The following LRRC72 variants were observed in gnomAD, a reference collection of about 807,000 sequenced individuals.
LRRC72 encodes the protein leucine rich repeat containing 72, also known as leucine-rich repeat-containing protein 72.
A neutral mutation model predicts 35.8 loss-of-function variants in LRRC72; 41 were observed. That is an observed-to-expected ratio of 1.15 (90% CI 0.89 to 1.49). The LOEUF is 1.49. Ranked by LOEUF, LRRC72 falls within the 40% of genes most tolerant of loss-of-function variation. The pLI is 0.00. For synonymous variants in LRRC72, 118 were observed against 119.2 expected (o/e 0.99, Z 0.07); for missense variants, 389 against 330.7 (o/e 1.18, Z -1.37).
At chr7:16,552,460 G>A (rs1782569515) in intron 3 of LRRC72, among the ~76,000 whole-genome samples, 3 of 152,176 alleles carry the variant, frequency 2.0e-5, no homozygotes, top group South Asian at 2.1e-4. Flanking sequence ...GATGCCAGGA[G>A]GAGAAAACGG....
chr7:16,574,271 C>T (rs1782999452), intron 7 of LRRC72, among the ~76,000 whole-genome samples: 1 of 152,168 alleles, frequency 6.6e-6, no homozygotes, highest in Admixed American at 6.5e-5. Context: ...ACCAGAAATA[C>T]AATTTGACCC....
intron 1 of LRRC72, among the ~76,000 whole-genome samples, chr7:16,528,632 G>A (rs1782113287): frequency 6.6e-6 from 1 of 152,046 alleles, no homozygotes; most frequent in Non-Finnish European, 1.5e-5. Flanking sequence ...TCATTAGCTG[G>A]CAGACTTTGT....
At chr7:16,551,616 A>G (rs1782550776) in intron 3 of LRRC72, among the ~76,000 whole-genome samples, 1 of 152,184 alleles carries the variant, frequency 6.6e-6, no homozygotes, top group African/African-American at 2.4e-5. Flanking sequence ...ACAAATCCTA[A>G]AAGACTGGGT....
chr7:16,551,445 A>G (rs1782546585), intron 3 of LRRC72, among the ~76,000 whole-genome samples: 1 of 152,170 alleles, frequency 6.6e-6, no homozygotes, highest in Non-Finnish European at 1.5e-5. Context: ...AGGCAGCTTC[A>G]GGATGGGGGC....
In LRRC72 at chr7:16,557,436, T is replaced by A; in HGVS notation, c.311T>A (p.Ile104Lys). ...LYLNNNAIFE[I>K]EGLHYLPSLH... The stretch of plus-strand genomic sequence containing the variant: ...CTAAACAACAATGCAATATTTGAGA[T>A]AGAAGGTACGTCTTAAATTCTCTGT... The change falls in exon 4 of 9, where the codon ATA becomes AAA. Residue 104 changes from isoleucine (I) to lysine (K), a missense_variant. Ile to Lys is a moderately radical substitution (Grantham distance 102, BLOSUM62 -3). Coordinates refer to ENST00000401542, the MANE Select transcript of LRRC72 (RefSeq NM_001195280.2). 8.1e-7 allele frequency: 1 copy of A among 1,229,982 alleles called. No homozygotes were observed. Among genetic ancestry groups the A allele is most frequent in the Non-Finnish European group, 1.1e-6 (1 of 933,300 alleles). The allele number at this position is 1,229,982 out of a possible 1,614,324, so 76.2% of individuals were successfully genotyped here.
chr7:16,526,977 C>T lies in LRRC72; in HGVS notation c.25C>T (p.Pro9Ser), dbSNP rs942288625. 7 of 1,539,840 alleles carry T rather than the reference C, an allele frequency of 4.5e-6. No homozygotes were observed. In the African/African-American group the frequency reaches 9.6e-5, roughly 21 times the overall value. MSWDPNPVPRTLRCWRLRR... is the reference protein window; with the variant it reads MSWDPNPVSRTLRCWRLRR... ...GATGTCCTGGGACCCGAACCCCGTGCCCCGTACCTTGCGATGCTGGCGCCT... is the reference window on the plus strand; with the variant it reads ...GATGTCCTGGGACCCGAACCCCGTGTCCCGTACCTTGCGATGCTGGCGCCT... Residue 9 changes from proline (P) to serine (S), a missense_variant, in exon 1 of 9, where the codon CCC becomes TCC. Transcript: ENST00000401542.
intron 7 of LRRC72, among the ~76,000 whole-genome samples, chr7:16,579,485 G>C (rs1783104244): frequency 6.6e-6 from 1 of 152,092 alleles, no homozygotes; most frequent in Admixed American, 6.6e-5. Context: ...TAGGCTTTCC[G>C]GAGGGAAATC....
Position 16,567,388 on chromosome 7 carries a change from C to T in LRRC72, c.518-3C>T. ...CAATAACATTACTTTTTGCATTTATCAGAAGTTACAGAAAAAGAAAGAAGA... is the reference window on the plus strand; with the variant it reads ...CAATAACATTACTTTTTGCATTTATTAGAAGTTACAGAAAAAGAAAGAAGA... On this transcript the variant is annotated splice_polypyrimidine_tract_variant and splice_region_variant and intron_variant, in intron 6 of 8. Transcript: ENST00000401542. The T allele has an allele frequency of 6.8e-7, 1 of 1,465,480 alleles. No homozygotes were observed. The highest frequency in any genetic ancestry group is 2.7e-5 in the Admixed American group (1 of 37,094). 90.8% of individuals were successfully genotyped at this position (1,465,480 alleles called of 1,614,324 possible). A position where few individuals can be genotyped will look rare whatever the true frequency, so the allele number is the denominator to read the frequency against.
intron 3 of LRRC72, among the ~76,000 whole-genome samples, chr7:16,542,342 G>A (rs529927038): frequency 2.0e-5 from 3 of 152,232 alleles, no homozygotes; most frequent in South Asian, 2.1e-4. Context: ...ATTTTTTCTC[G>A]TGCTTGATTA....
chr7:16,564,178 C>G (rs143046557), intron 5 of LRRC72, among the ~76,000 whole-genome samples: 129 of 152,314 alleles, frequency 8.5e-4, no homozygotes, highest in African/African-American at 2.9e-3. Flanking sequence ...CTTCCAGATG[C>G]TATAATGTAT....
intron 7 of LRRC72, among the ~76,000 whole-genome samples, chr7:16,567,748 C>A (rs1782874257): frequency 6.6e-6 from 1 of 151,968 alleles, no homozygotes; most frequent in Admixed American, 6.6e-5. Context: ...CTCACTCATG[C>A]ATGTGAAATT....
chr7:16,565,845 AG>A (rs1782829090), intron 5 of LRRC72, among the ~76,000 whole-genome samples: 1 of 152,224 alleles, frequency 6.6e-6, no homozygotes, highest in African/African-American at 2.4e-5. Flanking sequence ...GTGTGGAGGA[AG>A]TAAGTTCTAT....
At chr7:16,527,125 C>A in intron 1 of LRRC72, 83 bp downstream of exon 1, 1 of 1,092,088 alleles carries the variant, frequency 9.2e-7, no homozygotes, top group Non-Finnish European at 1.3e-6. Context: ...GGACTCCAGG[C>A]AGGTACTGAA....
chr7:16,546,226 G>A (rs1524364), intron 3 of LRRC72, among the ~76,000 whole-genome samples: 71,247 of 151,916 alleles, frequency 0.47, 16,808 homozygotes, highest in East Asian at 0.61. Context: ...TACTGTTTTA[G>A]TTAACACATA....
At chr7:16,527,433 G>A (rs757849684) in intron 1 of LRRC72, among the ~76,000 whole-genome samples, 3 of 151,528 alleles carry the variant, frequency 2.0e-5, no homozygotes, top group South Asian at 2.1e-4. Flanking sequence ...AGTAAATTTC[G>A]CAGTCTTGAT....
rs1430816114 is a variant in LRRC72, at chr7:16,557,441, G to T, written c.316G>T (p.Gly106Cys). 8.4e-7 allele frequency: 1 copy of T among 1,197,564 alleles called. No individual in the cohort carries two copies. The highest frequency in any genetic ancestry group is 1.1e-6 in the Non-Finnish European group (1 of 906,844). The allele number at this position is 1,197,564 out of a possible 1,614,324, so 74.2% of individuals were successfully genotyped here. The change falls in exon 4 of 9, where the codon GGT (glycine) becomes TGT (cysteine). Residue 106 changes from glycine (G) to cysteine (C), a missense_variant and splice_region_variant. Physicochemically the swap from Gly to Cys is radical, Grantham distance 159. Coordinates refer to ENST00000401542, the MANE Select transcript of LRRC72 (RefSeq NM_001195280.2). ...CAACAATGCAATATTTGAGATAGAAGGTACGTCTTAAATTCTCTGTTGATT... is the reference window on the plus strand; with the variant it reads ...CAACAATGCAATATTTGAGATAGAATGTACGTCTTAAATTCTCTGTTGATT... The part of the protein sequence containing the change: ...LNNNAIFEIE[G>C]LHYLPSLHIL...
chr7:16,569,504 A>G (rs1192856414), intron 7 of LRRC72, among the ~76,000 whole-genome samples: 1 of 152,196 alleles, frequency 6.6e-6, no homozygotes, highest in African/African-American at 2.4e-5. Flanking sequence ...GGCATTTCCA[A>G]CTACAGTGTA....
intron 7 of LRRC72, among the ~76,000 whole-genome samples, chr7:16,571,121 T>C (rs924778056): frequency 7.2e-5 from 11 of 152,064 alleles, no homozygotes; most frequent in Non-Finnish European, 1.5e-4. Flanking sequence ...GTAACATCCA[T>C]AGGACATGTT....
intron 3 of LRRC72, among the ~76,000 whole-genome samples, chr7:16,541,890 G>A (rs1314927501): frequency 1.3e-5 from 2 of 152,200 alleles, no homozygotes; most frequent in African/African-American, 4.8e-5. Context: ...CAGCCTGGGT[G>A]ACAGAGCGAG....
Sources: gnomAD v4.1 joint callset for allele counts (sites outside exome capture counted in the v4.1 genomes callset) on GRCh38, gnomAD v4.1.1 for gene constraint, MANE v1.5 for transcripts, NCBI Gene and HGNC (gene_info 2026-07-23, HGNC 2026-07-21) for gene names.